Variants in RBFOX1 observed in about 807,000 individuals in gnomAD.
RBFOX1 encodes the protein RNA binding protein fox-1 homolog 1.
Under a neutral mutation model 57.7 loss-of-function variants are expected in RBFOX1, and 8 were observed. That is an observed-to-expected ratio of 0.14 (90% CI 0.08 to 0.25). The LOEUF (loss-of-function observed/expected upper bound fraction) is 0.25, where lower values mean the gene tolerates loss of function less well. Among genes scored for constraint, RBFOX1 ranks in the 10% least tolerant of loss-of-function variants. The pLI is 1.00. For synonymous variants in RBFOX1, 326 were observed against 222.4 expected, an observed-to-expected ratio of 1.47 and a Z score of -4.15; for missense variants, 611 against 548.5, an observed-to-expected ratio of 1.11 and a Z score of -1.14.
chr16:6,616,020 C>G (rs1049214837), intron 2 of RBFOX1, among the ~76,000 whole-genome samples: 6 of 152,144 alleles, frequency 3.9e-5, no homozygotes, highest in Non-Finnish European at 7.3e-5. Context: ...GACGCAGGGA[C>G]ACTGCCCAGT....
intron 3 of RBFOX1, among the ~76,000 whole-genome samples, chr16:6,807,475 C>A (rs1326608990): frequency 6.6e-6 from 1 of 152,008 alleles, no homozygotes; most frequent in Non-Finnish European, 1.5e-5. Flanking sequence ...GGGCTGGGGT[C>A]CTGAGTTCTG....
At chr16:5,559,815 G>T (rs768694509) in intron 2 of RBFOX1, among the ~76,000 whole-genome samples, 29 of 152,232 alleles carry the variant, frequency 1.9e-4, no homozygotes, top group South Asian at 4.1e-4. Flanking sequence ...CTGCTTCCAG[G>T]ATGTGCACGG....
rs191362440 is a variant in RBFOX1 at position 6,796,569 on chromosome 16, C to T, written c.-16+141919C>T. Among the ~76,000 whole-genome samples the T allele has an allele frequency of 4.6e-5, 7 of 152,272 alleles. No individual in the cohort carries two copies. The East Asian group carries it at 1.3e-3, about 29-fold the overall frequency. On this transcript the variant is annotated intron_variant, in intron 3 of 15. Transcript: ENST00000550418. Reference sequence around the variant, plus strand: ...ATTCACTGCTTAATATTTCATTTATCTACTTCCTTCTACCCTTATTCATAC... The same window carrying T: ...ATTCACTGCTTAATATTTCATTTATTTACTTCCTTCTACCCTTATTCATAC...
At chr16:7,502,355 G>A (rs1480478414) in intron 4 of RBFOX1, among the ~76,000 whole-genome samples, 1 of 152,200 alleles carries the variant, frequency 6.6e-6, no homozygotes, top group Admixed American at 6.5e-5. Flanking sequence ...GAGGTCTCTG[G>A]TTTCATGTAA....
At chr16:5,379,997 G>GGCA (rs1225358395) in intron 1 of RBFOX1, among the ~76,000 whole-genome samples, 3 of 152,184 alleles carry the variant, frequency 2.0e-5, no homozygotes, top group Non-Finnish European at 4.4e-5. Context: ...TGGGAGCCTG[G>GGCA]GCACAGCCTT....
rs1370759380 is a variant in RBFOX1 at position 6,323,192 on chromosome 16, G to A, written c.-64+6135G>A. Among the ~76,000 whole-genome samples the A allele has an allele frequency of 2.6e-5, 4 of 152,160 alleles. No homozygotes were observed. In the East Asian group the frequency reaches 7.7e-4, roughly 29 times the overall value. On this transcript the variant is annotated intron_variant, in intron 2 of 15. Transcript: ENST00000550418. ...AATTCCTTCTGCTTCTTTATTGTTA[G>A]GACAGAGCAGGATAATAAAGAATGG...
intron 1 of RBFOX1, among the ~76,000 whole-genome samples, chr16:5,293,146 C>T (rs923515211): frequency 6.6e-6 from 1 of 151,798 alleles, no homozygotes; most frequent in Non-Finnish European, 1.5e-5. Flanking sequence ...CATGACGAGA[C>T]CCTATTTCTA....
At chr16:6,982,428 T>G (rs980519282) in intron 3 of RBFOX1, among the ~76,000 whole-genome samples, 1 of 152,152 alleles carries the variant, frequency 6.6e-6, no homozygotes, top group African/African-American at 2.4e-5. Flanking sequence ...GCATCAGTCA[T>G]GTCTACTTAA....
intron 4 of RBFOX1, among the ~76,000 whole-genome samples, chr16:5,871,957 C>G (rs1003634492): frequency 3.3e-5 from 5 of 152,128 alleles, no homozygotes; most frequent in African/African-American, 1.2e-4. Flanking sequence ...AACTCAGTGG[C>G]CTTGGGAGAA....
intron 3 of RBFOX1, among the ~76,000 whole-genome samples, chr16:6,860,922 T>C (rs1046719435): frequency 7.2e-5 from 11 of 152,148 alleles, no homozygotes; most frequent in African/African-American, 2.4e-4. Context: ...TATATGAATG[T>C]GCCCAAAAAT....
intron 2 of RBFOX1, among the ~76,000 whole-genome samples, chr16:6,507,595 C>T (rs1055160783): frequency 5.9e-5 from 9 of 151,322 alleles, no homozygotes; most frequent in Non-Finnish European, 1.3e-4. Context: ...CACTTGAGCC[C>T]AGGAGGTGGA....
chr16:6,839,841 T>G (rs11648323), intron 3 of RBFOX1, among the ~76,000 whole-genome samples: 79,230 of 151,998 alleles, frequency 0.52, 22,211 homozygotes, highest in East Asian at 0.87. Flanking sequence ...TAATCATACC[T>G]CTGTTCTTAC....
In RBFOX1 at chr16:6,629,513, A is replaced by G. The variant is rs2098356337; in HGVS notation, c.-63-25090A>G. On this transcript the variant is annotated intron_variant, in intron 2 of 15. Transcript: ENST00000550418. ...TGTCTTCATTTACAAAAAATGGGTT[A>G]TACTTTCATCTTTTGACCCTGAAAC... Among the ~76,000 whole-genome samples the G allele has an allele frequency of 2.0e-5, 3 of 152,208 alleles. No individual in the cohort carries two copies. The South Asian group carries it at 6.2e-4, about 31-fold the overall frequency.
chr16:5,867,214 T>G (rs2094755262), intron 3 of RBFOX1: 1 of 897,308 alleles, frequency 1.1e-6, no homozygotes, highest in African/African-American at 1.7e-5. Flanking sequence ...TCATAACAAA[T>G]TATTGATGCC....
At chr16:5,425,369 G>T (rs563395656) in intron 1 of RBFOX1, among the ~76,000 whole-genome samples, 4 of 152,190 alleles carry the variant, frequency 2.6e-5, no homozygotes, top group Admixed American at 6.5e-5. Flanking sequence ...CTCCCAAAGC[G>T]CTGGGATTAC....
rs540358997 is a variant in RBFOX1 at position 7,502,779 on chromosome 16, T to A, written c.28-15368T>A. On this transcript the variant is annotated intron_variant, in intron 4 of 15. Coordinates refer to ENST00000550418, the MANE Select transcript of RBFOX1 (RefSeq NM_018723.4). ...TGGCTCATGCCTGTAATCCCAGAAC[T>A]TTGAAAGGCCAAGATGGGCAGATCA... Among the ~76,000 whole-genome samples the A allele has an allele frequency of 8.5e-5, 13 of 152,302 alleles. No homozygotes were observed. The South Asian group carries it at 2.7e-3, about 32-fold the overall frequency.
chr16:5,952,005 G>C (rs143872559), intron 4 of RBFOX1, among the ~76,000 whole-genome samples: 1 of 149,588 alleles, frequency 6.7e-6, no homozygotes, highest in Non-Finnish European at 1.5e-5. Context: ...ATGTGTGTGT[G>C]TATATATATA....
intron 3 of RBFOX1, among the ~76,000 whole-genome samples, chr16:6,926,375 C>G (rs1250057754): frequency 1.3e-5 from 2 of 152,150 alleles, no homozygotes; most frequent in South Asian, 2.1e-4. Context: ...CAACAGGAGA[C>G]CCGCCTGCAG....
chr16:7,245,418 C>G (rs564732846), intron 4 of RBFOX1, among the ~76,000 whole-genome samples: 1 of 150,978 alleles, frequency 6.6e-6, no homozygotes, highest in Non-Finnish European at 1.5e-5. Flanking sequence ...TACCTATCAA[C>G]CCGTCACCTA....
Sources: allele counts gnomAD v4.1 joint callset (sites outside exome capture counted in the v4.1 genomes callset), GRCh38; gene constraint gnomAD v4.1.1; transcripts MANE v1.5; gene names NCBI Gene and HGNC (gene_info 2026-07-23, HGNC 2026-07-21).